Variants in CNTNAP4 observed in about 807,000 individuals in gnomAD.
CNTNAP4 encodes the protein contactin-associated protein-like 4.
CNTNAP4 carries 98 observed loss-of-function variants against 148.4 expected under a neutral mutation model. That is an observed-to-expected ratio of 0.66 (90% confidence interval 0.56 to 0.78). The LOEUF is 0.78. Ranked by LOEUF, CNTNAP4 falls within the 30% of genes least tolerant of loss-of-function variation. CNTNAP4 has a pLI of 0.00. For missense variants in CNTNAP4, 1,935 were observed against 1,565.6 expected (o/e 1.24, Z -3.98); for synonymous variants, 730 against 565.1 (o/e 1.29, Z -4.14).
intron 2 of CNTNAP4, among the ~76,000 whole-genome samples, chr16:76,331,824 G>T (rs183860157): frequency 2.6e-5 from 4 of 152,148 alleles, no homozygotes; most frequent in African/African-American, 9.6e-5. Context: ...TGTTCTTTAC[G>T]TGGCTTTGCA....
intron 1 of CNTNAP4, among the ~76,000 whole-genome samples, chr16:76,313,439 C>T (rs1961365221): frequency 6.6e-6 from 1 of 152,148 alleles, no homozygotes; most frequent in African/African-American, 2.4e-5. Flanking sequence ...AACATACATG[C>T]CACAGTTTCC....
intron 13 of CNTNAP4, among the ~76,000 whole-genome samples, chr16:76,493,158 G>A (rs2340275): frequency 0.036 from 5,466 of 152,096 alleles, 151 homozygotes; most frequent in African/African-American, 0.085. Flanking sequence ...TGGATTCTGA[G>A]GTCACAATAA....
rs7185645 is a variant in CNTNAP4 at position 76,420,764 on chromosome 16, C to G, written c.391-6688C>G. On this transcript the variant is annotated intron_variant, in intron 3 of 23. Coordinates refer to ENST00000611870, the MANE Select transcript of CNTNAP4 (RefSeq NM_033401.5). ...TTAGTTATCCCTAAAGAGAAAGCCT[C>G]AAATGCTGGGCTCACCTCTTTGGGT... is the stretch of plus-strand genomic sequence containing the variant. Among the ~76,000 whole-genome samples, 794 of 152,136 alleles carry G rather than the reference C, an allele frequency of 5.2e-3. 10 individuals carry two copies. The highest frequency in any genetic ancestry group is 0.019 in the African/African-American group (770 of 41,548).
Position 76,540,683 on chromosome 16 carries a change from C to G in CNTNAP4, c.3355-20C>G. The G allele has an allele frequency of 6.6e-7, 1 of 1,520,622 alleles. No homozygotes were observed. Among genetic ancestry groups the G allele is most frequent in the Non-Finnish European group, 8.9e-7 (1 of 1,119,696 alleles). The allele number at this position is 1,520,622 out of a possible 1,614,324, so 94.2% of individuals were successfully genotyped here. A position where few individuals can be genotyped will look rare whatever the true frequency, so the allele number is the denominator to read the frequency against. ...ACGTCATCCATTTGGATGTTTTTAT[C>G]TTGTGTAATAATTTTGTAGATTGAC... On this transcript the variant is annotated intron_variant, in intron 20 of 23. Coordinates refer to ENST00000611870, the MANE Select transcript of CNTNAP4 (RefSeq NM_033401.5).
intron 12 of CNTNAP4, among the ~76,000 whole-genome samples, chr16:76,488,229 C>T (rs1393661023): frequency 6.6e-6 from 1 of 152,088 alleles, no homozygotes; most frequent in East Asian, 1.9e-4. Flanking sequence ...CCTAAGGGCA[C>T]AAGATCCATG....
intron 22 of CNTNAP4, 125 bp downstream of exon 22, chr16:76,553,626 A>G (rs934841162): frequency 4.1e-6 from 3 of 735,284 alleles, no homozygotes; most frequent in Non-Finnish European, 6.7e-6. Context: ...TTGTTTGTTT[A>G]GCTTTTAGTT....
At chr16:76,557,925 C>T (rs2085262840) in intron 23 of CNTNAP4, 1 of 152,190 alleles carries the variant, frequency 6.6e-6, no homozygotes, top group South Asian at 2.1e-4. Flanking sequence ...AATCGCAGTA[C>T]TTAGAATTTG....
At chr16:76,502,446 G>T (rs370034566) in intron 15 of CNTNAP4, among the ~76,000 whole-genome samples, 6 of 151,392 alleles carry the variant, frequency 4.0e-5, no homozygotes, top group African/African-American at 1.2e-4. Flanking sequence ...GATCATGCAC[G>T]GTAGGCCTTA....
chr16:76,359,411 T>C (rs1490468424), intron 3 of CNTNAP4, among the ~76,000 whole-genome samples: 1 of 151,978 alleles, frequency 6.6e-6, no homozygotes, highest in Non-Finnish European at 1.5e-5. Context: ...CGGATTGAAA[T>C]GCTGCAGGGA....
chr16:76,292,414 C>G (rs1483440479), intron 1 of CNTNAP4, among the ~76,000 whole-genome samples: 1 of 151,690 alleles, frequency 6.6e-6, no homozygotes, highest in Non-Finnish European at 1.5e-5. Context: ...TCCAGGAAAC[C>G]CTTTCACTCA....
At chr16:76,480,311 A>G (rs2081776880) in intron 12 of CNTNAP4, among the ~76,000 whole-genome samples, 1 of 152,208 alleles carries the variant, frequency 6.6e-6, no homozygotes, top group African/African-American at 2.4e-5. Flanking sequence ...AGCAATAAAA[A>G]TTAGAAAATA....
chr16:76,511,517 T>C (rs548146505), intron 15 of CNTNAP4, among the ~76,000 whole-genome samples: 1 of 152,304 alleles, frequency 6.6e-6, no homozygotes, highest in African/African-American at 2.4e-5. Flanking sequence ...GCAGACTACA[T>C]ATAAACCGTT....
intron 8 of CNTNAP4, among the ~76,000 whole-genome samples, chr16:76,453,503 C>T (rs996229751): frequency 8.5e-5 from 13 of 152,156 alleles, no homozygotes; most frequent in Admixed American, 5.2e-4. Flanking sequence ...CTCTACATCA[C>T]ATTTTTACGT....
intron 14 of CNTNAP4, chr16:76,495,279 G>C (rs978447589): frequency 2.9e-6 from 1 of 342,712 alleles, no homozygotes; most frequent in African/African-American, 2.1e-5. Context: ...CATAAGTCAT[G>C]TATATTTTAA....
At position 76,535,567 on chromosome 16, in the gene CNTNAP4, A is replaced by T; in HGVS notation, c.2778A>T (p.Arg926Ser). ...TAGGTGGAACGGCCACCAGACAGAG[A>T]GGCTTTCTGGGCTGCATTCGGTCTC... ...LFVGGTATRQ[R>S]GFLGCIRSLQ... Residue 926 changes from arginine (R) to serine (S), a missense_variant, in exon 18 of 24, where the codon AGA (arginine) becomes AGT (serine). Transcript: ENST00000611870. 3 of 1,612,198 alleles carry T rather than the reference A, an allele frequency of 1.9e-6. No individual in the cohort carries two copies. The highest frequency in any genetic ancestry group is 2.5e-6 in the Non-Finnish European group (3 of 1,179,852).
chr16:76,438,694 C>T lies in CNTNAP4; in HGVS notation c.539-9318C>T, dbSNP rs141587999. The stretch of plus-strand genomic sequence containing the variant: ...ATCCAGCTCGCCACTGTCTCTCCTA[C>T]ACTCCTAACAGGCCTCATCCCTCCC... On this transcript the variant is annotated intron_variant, in intron 4 of 23. Transcript: ENST00000611870. Among the ~76,000 whole-genome samples, 11 of 152,190 alleles carry T rather than the reference C, an allele frequency of 7.2e-5. No homozygotes were observed. In the East Asian group the frequency reaches 1.7e-3, roughly 24 times the overall value.
chr16:76,403,394 T>C (rs1443192594), intron 3 of CNTNAP4, among the ~76,000 whole-genome samples: 1 of 152,144 alleles, frequency 6.6e-6, no homozygotes, highest in Non-Finnish European at 1.5e-5. Flanking sequence ...CGCCCAGCCG[T>C]GAACACTTTT....
intron 19 of CNTNAP4, among the ~76,000 whole-genome samples, chr16:76,539,192 C>T (rs2084346041): frequency 6.6e-6 from 1 of 151,974 alleles, no homozygotes; most frequent in Admixed American, 6.6e-5. Flanking sequence ...ATGAGTAGTA[C>T]TAATTGTGAT....
chr16:76,379,263 C>T (rs1239397555), intron 3 of CNTNAP4, among the ~76,000 whole-genome samples: 1 of 152,106 alleles, frequency 6.6e-6, no homozygotes, highest in Admixed American at 6.5e-5. Flanking sequence ...GCTATAGAAG[C>T]ATGTCAGGGA....
Sources: gnomAD v4.1 joint callset for allele counts (sites outside exome capture counted in the v4.1 genomes callset) on GRCh38, gnomAD v4.1.1 for gene constraint, MANE v1.5 for transcripts, NCBI Gene and HGNC (gene_info 2026-07-23, HGNC 2026-07-21) for gene names.